MYCBP2: variants seen among roughly 807,000 people sequenced by gnomAD.
MYCBP2 encodes the protein E3 ubiquitin-protein ligase MYCBP2.
In MYCBP2, 120 loss-of-function variants were observed where a neutral mutation model predicts 525.3. The ratio of observed to expected loss-of-function variants is 0.23; its 90% CI spans 0.20 to 0.27. The LOEUF is 0.27. MYCBP2 is among the 10% of genes least tolerant of loss of function. The probability of loss-of-function intolerance (pLI) is 1.00; values close to 1 mark genes in which losing one functional copy is unlikely to be tolerated. For missense variants in MYCBP2, 4,149 were observed against 5,657.1 expected, an observed-to-expected ratio of 0.73 and a Z score of 8.55; for synonymous variants, 1,894 against 1,955.8, an observed-to-expected ratio of 0.97 and a Z score of 0.83.
chr13:77,294,139 TATAC>T (rs2077909204), intron 2 of MYCBP2, among the ~76,000 whole-genome samples: 1 of 129,534 alleles, frequency 7.7e-6, no homozygotes, highest in Non-Finnish European at 1.6e-5. Flanking sequence ...TACATATATA[TATAC>T]ATATATATAA....
intron 20 of MYCBP2, among the ~76,000 whole-genome samples, chr13:77,223,897 GAACTAA>G (rs2065914656): frequency 1.3e-5 from 2 of 149,936 alleles, no homozygotes; most frequent in South Asian, 2.1e-4. Context: ...ATCATGTCAC[GAACTAA>G]AACTAAAACT....
chr13:77,244,501 T>C (rs977249954), intron 15 of MYCBP2, among the ~76,000 whole-genome samples: 2 of 152,140 alleles, frequency 1.3e-5, no homozygotes, highest in Non-Finnish European at 1.5e-5. Flanking sequence ...TTACACCTTA[T>C]ACAAAAATTA....
At chr13:77,211,061 G>A in intron 23 of MYCBP2, 106 bp downstream of exon 23, 1 of 791,106 alleles carries the variant, frequency 1.3e-6, no homozygotes, top group South Asian at 5.5e-5. Context: ...AGATAAACAG[G>A]AGAGTACTCA....
At chr13:77,241,558 C>T (rs1428986288) in intron 17 of MYCBP2, among the ~76,000 whole-genome samples, 1 of 152,090 alleles carries the variant, frequency 6.6e-6, no homozygotes, top group East Asian at 1.9e-4. Flanking sequence ...TAATTCTATC[C>T]TGTTTTGTAA....
chr13:77,162,745 C>T (rs987095597), intron 43 of MYCBP2, among the ~76,000 whole-genome samples: 1 of 152,158 alleles, frequency 6.6e-6, no homozygotes, highest in African/African-American at 2.4e-5. Context: ...CAACCTCCAC[C>T]TCATGGGTTT....
At chr13:77,251,021 T>C (rs1034427889) in intron 15 of MYCBP2, 130 bp downstream of exon 15, 4 of 616,248 alleles carry the variant, frequency 6.5e-6, no homozygotes, top group African/African-American at 1.8e-5. Context: ...TCTTGGCCTT[T>C]TGGCTAAGAT....
intron 82 of MYCBP2, 24 bp downstream of exon 82, chr13:77,050,969 TCGTG>T (rs1368609578): frequency 6.4e-7 from 1 of 1,570,436 alleles, no homozygotes. Context: ...TAGATCATAA[TCGTG>T]ATTTTAAAAT....
chr13:77,202,799 G>A (rs1306713313), intron 26 of MYCBP2, among the ~76,000 whole-genome samples: 1 of 152,082 alleles, frequency 6.6e-6, no homozygotes, highest in Non-Finnish European at 1.5e-5. Context: ...AAAACCACAG[G>A]ATTATCTCAA....
intron 71 of MYCBP2, among the ~76,000 whole-genome samples, chr13:77,066,548 CAG>C (rs1036660870): frequency 9.2e-5 from 14 of 152,312 alleles, no homozygotes; most frequent in African/African-American, 2.4e-4. Context: ...TAGCACTGTT[CAG>C]ATGTCTCTAA....
intron 26 of MYCBP2, among the ~76,000 whole-genome samples, chr13:77,204,835 G>A (rs1308635082): frequency 3.7e-5 from 5 of 134,928 alleles, no homozygotes; most frequent in Middle Eastern, 3.7e-3. Context: ...ACTCATAGGT[G>A]GGAATTGAAC....
chr13:77,200,989 G>T (rs201924004), intron 26 of MYCBP2, among the ~76,000 whole-genome samples: 3 of 151,104 alleles, frequency 2.0e-5, no homozygotes, highest in Non-Finnish European at 4.4e-5. Flanking sequence ...ATCAATTAAC[G>T]AGCAAAATAA....
chr13:77,268,647 T>G (rs1394677226), intron 7 of MYCBP2, among the ~76,000 whole-genome samples: 1 of 151,770 alleles, frequency 6.6e-6, no homozygotes, highest in Non-Finnish European at 1.5e-5. Flanking sequence ...GACGTGGTGG[T>G]GGGCACCTGT....
chr13:77,095,566 T>C lies in MYCBP2; in HGVS notation c.9991A>G (p.Thr3331Ala), dbSNP rs1027442812. 4 of 1,613,420 alleles carry C rather than the reference T, an allele frequency of 2.5e-6. No individual in the cohort carries two copies. The South Asian group carries it at 4.4e-5, about 18-fold the overall frequency. The stretch of plus-strand genomic sequence containing the variant: ...TCCATGGTGGGCAAGGCACGAGGGG[T>C]CTTGACTTGCATTGGTTTTCTCCTA... ...QSRRKPMQVK[T>A]PRALPTMEAH... Residue 3331 changes from threonine (T) to alanine (A), a missense_variant, in exon 58 of 83, where the codon ACC becomes GCC. Thr to Ala is a moderately conservative substitution (Grantham distance 58, BLOSUM62 0). Coordinates refer to ENST00000544440, the MANE Select transcript of MYCBP2 (RefSeq NM_015057.5).
chr13:77,300,783 C>T (rs2154369330), intron 1 of MYCBP2, among the ~76,000 whole-genome samples: 1 of 152,282 alleles, frequency 6.6e-6, no homozygotes, highest in Non-Finnish European at 1.5e-5. Context: ...GGCCAATGCG[C>T]CTGCTTCAAA....
At chr13:77,279,935 G>A (rs1424803829) in intron 3 of MYCBP2, among the ~76,000 whole-genome samples, 1 of 152,040 alleles carries the variant, frequency 6.6e-6, no homozygotes, top group East Asian at 1.9e-4. Context: ...AATATACAAG[G>A]AACATGTCTT....
At chr13:77,169,427 A>C (rs2058913315) in intron 39 of MYCBP2, among the ~76,000 whole-genome samples, 187 bp downstream of exon 39, 1 of 151,608 alleles carries the variant, frequency 6.6e-6, no homozygotes, top group South Asian at 2.1e-4. Context: ...GCCAACAAAT[A>C]AGCACAGCAA....
intron 56 of MYCBP2, among the ~76,000 whole-genome samples, chr13:77,097,083 C>T (rs2046372638): frequency 6.6e-6 from 1 of 152,174 alleles, no homozygotes; most frequent in Non-Finnish European, 1.5e-5. Context: ...GCCACTGTTT[C>T]TGCTGTGTGA....
intron 70 of MYCBP2, 72 bp from the exon 71 acceptor site, chr13:77,067,936 T>C: frequency 6.9e-7 from 1 of 1,448,462 alleles, no homozygotes; most frequent in East Asian, 2.3e-5. Context: ...ATTTCTCTTT[T>C]CTTTTTTTAA....
intron 49 of MYCBP2, among the ~76,000 whole-genome samples, chr13:77,141,934 G>C (rs1163208393): frequency 6.6e-6 from 1 of 152,084 alleles, no homozygotes; most frequent in African/African-American, 2.4e-5. Context: ...GAAAACTTAG[G>C]AAGAAGAGCA....
Sources: gnomAD v4.1 joint callset for allele counts (sites outside exome capture counted in the v4.1 genomes callset) on GRCh38, gnomAD v4.1.1 for gene constraint, MANE v1.5 for transcripts, NCBI Gene and HGNC (gene_info 2026-07-23, HGNC 2026-07-21) for gene names.